TSGA10: variants seen among roughly 807,000 people sequenced by gnomAD.
TSGA10 encodes testis specific 10.
TSGA10 carries 43 observed loss-of-function variants against 96.6 expected under a neutral mutation model. That is an observed-to-expected ratio of 0.44 (90% CI 0.35 to 0.57). The LOEUF (loss-of-function observed/expected upper bound fraction) is 0.57. Among genes scored for constraint, TSGA10 ranks in the 20% least tolerant of loss-of-function variants. The pLI is 0.01. For synonymous variants in TSGA10, 229 were observed against 269.9 expected (o/e 0.85, Z 1.48); for missense variants, 703 against 834.4 (o/e 0.84, Z 1.94).
intron 1 of TSGA10, among the ~76,000 whole-genome samples, chr2:99,134,028 A>T (rs368770572): frequency 6.6e-6 from 1 of 151,902 alleles, no homozygotes; most frequent in East Asian, 1.9e-4. Flanking sequence ...TTTCTCTTTC[A>T]TTTCAGCCTT....
At chr2:99,062,010 C>T (rs889499825) in intron 16 of TSGA10, among the ~76,000 whole-genome samples, 18 of 152,104 alleles carry the variant, frequency 1.2e-4, no homozygotes, top group African/African-American at 3.1e-4. Flanking sequence ...CCAAACCTTC[C>T]GGCACTGTGA....
chr2:98,998,104 C>T lies in TSGA10; in HGVS notation c.*93G>A. On this transcript the variant is annotated 3_prime_UTR_variant, in exon 21 of 21. Coordinates refer to ENST00000393483, the MANE Select transcript of TSGA10 (RefSeq NM_025244.4). ...AATAAATACATTTAACATTGCCAAGCATTTAAAAGATAAATGCACTCATGT... is the reference window on the plus strand; with the variant it reads ...AATAAATACATTTAACATTGCCAAGTATTTAAAAGATAAATGCACTCATGT... 2 of 1,029,868 alleles carry T rather than the reference C, an allele frequency of 1.9e-6. No individual in the cohort carries two copies. The highest frequency in any genetic ancestry group is 1.5e-5 in the South Asian group (1 of 68,062). The allele number at this position is 1,029,868 out of a possible 1,614,324, so 63.8% of individuals were successfully genotyped here.
At chr2:99,091,190 GGAAA>G (rs1391007533) in intron 10 of TSGA10, among the ~76,000 whole-genome samples, 3 of 152,080 alleles carry the variant, frequency 2.0e-5, no homozygotes, top group Non-Finnish European at 2.9e-5. Context: ...CATACATGAA[GGAAA>G]GAGTCTTTTT....
chr2:99,147,212 G>A (rs1391106465), intron 1 of TSGA10: 3 of 427,038 alleles, frequency 7.0e-6, no homozygotes, highest in African/African-American at 4.0e-5. Context: ...TGTTGCCCAG[G>A]CTGGTCTCAA....
In TSGA10 at chr2:99,117,582, C is replaced by T; in HGVS notation, c.-178G>A. The T allele has an allele frequency of 3.0e-6, 3 of 985,816 alleles. No individual in the cohort carries two copies. The highest frequency in any genetic ancestry group is 3.6e-6 in the Non-Finnish European group (3 of 829,902). 61.1% of individuals were successfully genotyped at this position (985,816 alleles called of 1,614,324 possible). ...AGTTCCTTGTTGGCGGAATCCACCACAAAATTTTTCTCTTTTTCGAGTTGC... is the reference window on the plus strand; with the variant it reads ...AGTTCCTTGTTGGCGGAATCCACCATAAAATTTTTCTCTTTTTCGAGTTGC... On this transcript the variant is annotated 5_prime_UTR_variant, in exon 4 of 21. The change creates a new upstream start codon in the 5' untranslated region. Transcript: ENST00000393483.
At chr2:99,106,525 T>C (rs1050057334) in intron 7 of TSGA10, among the ~76,000 whole-genome samples, 1 of 150,642 alleles carries the variant, frequency 6.6e-6, no homozygotes, top group Non-Finnish European at 1.5e-5. Context: ...CAATTTACCA[T>C]CCTATGTCTC....
At chr2:99,040,905 G>C (rs2082124631) in intron 16 of TSGA10, among the ~76,000 whole-genome samples, 2 of 152,306 alleles carry the variant, frequency 1.3e-5, no homozygotes, top group South Asian at 4.1e-4. Flanking sequence ...TTACTCTAAA[G>C]CCTCCTATCA....
chr2:99,056,099 C>T (rs527359027), intron 16 of TSGA10, among the ~76,000 whole-genome samples: 17 of 151,166 alleles, frequency 1.1e-4, no homozygotes, highest in African/African-American at 3.2e-4. Flanking sequence ...CAGGTACTCG[C>T]GAGGCTGAGG....
At chr2:99,114,715 C>G (rs755452566) in intron 4 of TSGA10, among the ~76,000 whole-genome samples, 9 of 152,052 alleles carry the variant, frequency 5.9e-5, no homozygotes, top group Non-Finnish European at 1.2e-4. Flanking sequence ...TCCAAAAATT[C>G]TTCCTTTTGA....
intron 16 of TSGA10, among the ~76,000 whole-genome samples, chr2:99,056,520 T>C (rs1403420147): frequency 6.6e-6 from 1 of 152,112 alleles, no homozygotes; most frequent in African/African-American, 2.4e-5. Flanking sequence ...AAATAGACTA[T>C]CTGTATAGAT....
At chr2:99,141,149 T>A (rs1365279411) in intron 1 of TSGA10, 3 of 1,270,538 alleles carry the variant, frequency 2.4e-6, no homozygotes, top group Non-Finnish European at 2.0e-6. Context: ...TCCCCGCGAC[T>A]GTCAGCTCTC....
chr2:99,022,646 A>G (rs2080150758), intron 17 of TSGA10, among the ~76,000 whole-genome samples: 1 of 152,228 alleles, frequency 6.6e-6, no homozygotes, highest in South Asian at 2.1e-4. Flanking sequence ...TAATATTGCC[A>G]TAAAAATTTG....
intron 1 of TSGA10, among the ~76,000 whole-genome samples, chr2:99,137,430 G>T (rs919212926): frequency 6.6e-6 from 1 of 152,200 alleles, no homozygotes; most frequent in East Asian, 1.9e-4. Flanking sequence ...ACAAAGAAGG[G>T]AGTACTAGAT....
At chr2:99,105,496 A>G (rs1204874262) in intron 8 of TSGA10, 31 bp downstream of exon 8, 5 of 1,613,942 alleles carry the variant, frequency 3.1e-6, no homozygotes, top group South Asian at 1.1e-5. Flanking sequence ...TGTGTTTCAC[A>G]TATATTCACG....
At chr2:99,012,894 T>C (rs1347353520) in intron 20 of TSGA10, among the ~76,000 whole-genome samples, 3 of 152,180 alleles carry the variant, frequency 2.0e-5, no homozygotes, top group African/African-American at 7.2e-5. Flanking sequence ...CTTCAGCACA[T>C]GGAACAATCT....
rs143098454 is a variant in TSGA10, at chr2:99,117,601, G to C, written c.-197C>G. The C allele has an allele frequency of 1.0e-6, 1 of 985,450 alleles. No individual in the cohort carries two copies. Among genetic ancestry groups the C allele is most frequent in the African/African-American group, 1.8e-5 (1 of 57,108 alleles). The allele number at this position is 985,450 out of a possible 1,614,324, so 61.0% of individuals were successfully genotyped here. A position where few individuals can be genotyped will look rare whatever the true frequency, so the allele number is the denominator to read the frequency against. On this transcript the variant is annotated 5_prime_UTR_variant, in exon 4 of 21. Coordinates refer to ENST00000393483, the MANE Select transcript of TSGA10 (RefSeq NM_025244.4). ...CCACCACAAAATTTTTCTCTTTTTCGAGTTGCTCTGCTAGTTGGTCAATTT... is the reference window on the plus strand; with the variant it reads ...CCACCACAAAATTTTTCTCTTTTTCCAGTTGCTCTGCTAGTTGGTCAATTT...
In TSGA10 at chr2:98,998,132, C is replaced by CA. The variant is rs796524474; in HGVS notation, c.*64dup. 50,354 of 1,090,260 alleles carry CA rather than the reference C, an allele frequency of 0.046. 14 individuals are homozygous for CA. Among genetic ancestry groups the CA allele is most frequent in the Non-Finnish European group, 0.051 (39,439 of 776,240 alleles). 67.5% of individuals were successfully genotyped at this position (1,090,260 alleles called of 1,614,324 possible). Reference sequence around the variant, plus strand: ...TTAAAAGATAAATGCACTCATGTAGCAAAAAAAAAAAAATCAGTTTGTAAC... The same window carrying CA: ...TTAAAAGATAAATGCACTCATGTAGCAAAAAAAAAAAAAATCAGTTTGTAAC... On this transcript the variant is annotated 3_prime_UTR_variant, in exon 21 of 21. Transcript: ENST00000393483.
intron 16 of TSGA10, among the ~76,000 whole-genome samples, chr2:99,054,318 A>G (rs1037485376): frequency 6.6e-6 from 1 of 152,168 alleles, no homozygotes; most frequent in Non-Finnish European, 1.5e-5. Context: ...CTGCCTATGG[A>G]GAAGAATGAG....
chr2:99,087,111 A>G (rs58635701), intron 10 of TSGA10, among the ~76,000 whole-genome samples: 3,820 of 151,744 alleles, frequency 0.025, 182 homozygotes, highest in East Asian at 0.2. Context: ...GGCTGAGGCA[A>G]GAGAATGGCG....
Sources: allele counts gnomAD v4.1 joint callset (sites outside exome capture counted in the v4.1 genomes callset), GRCh38; gene constraint gnomAD v4.1.1; transcripts MANE v1.5; gene names NCBI Gene and HGNC (gene_info 2026-07-23, HGNC 2026-07-21).